DCC: variants seen among roughly 807,000 people sequenced by gnomAD.
The protein encoded by DCC is DCC netrin 1 receptor.
In DCC, 58 loss-of-function variants were observed where a neutral mutation model predicts 172.5. The observed-to-expected ratio is 0.34, with a 90% CI of 0.27 to 0.42. DCC has a LOEUF of 0.42. Among genes scored for constraint, DCC ranks in the 10% least tolerant of loss-of-function variants. The pLI, the probability that DCC is intolerant of heterozygous loss-of-function variation, is 1.00. For missense variants in DCC, 1,740 were observed against 1,791.0 expected, an observed-to-expected ratio of 0.97 and a Z score of 0.51; for synonymous variants, 709 against 644.5, an observed-to-expected ratio of 1.10 and a Z score of -1.52.
chr18:53,201,679 A>T (rs913575762), intron 9 of DCC, among the ~76,000 whole-genome samples: 3 of 152,156 alleles, frequency 2.0e-5, no homozygotes, highest in South Asian at 4.1e-4. Context: ...TTTTTTTCCC[A>T]TTAAGGAAAT....
intron 15 of DCC, among the ~76,000 whole-genome samples, chr18:53,384,108 C>T (rs1311495954): frequency 8.4e-6 from 1 of 119,692 alleles, no homozygotes; most frequent in Admixed American, 7.7e-5. Context: ...ATCAGTATCT[C>T]TTCTGGTCAT....
chr18:53,228,997 T>G lies in DCC; in HGVS notation c.1911+13400T>G, dbSNP rs1479898368. ...ATGTCCAGCATTATGACTTGTATTT[T>G]CTCTGAGTATAATATACATTTCCTA... is the stretch of plus-strand genomic sequence containing the variant. On this transcript the variant is annotated intron_variant, in intron 12 of 28. Coordinates refer to ENST00000442544, the MANE Select transcript of DCC (RefSeq NM_005215.4). 5.3e-5 allele frequency among the ~76,000 whole-genome samples: 8 copies of G among 152,282 alleles called. No homozygotes were observed. In the East Asian group the frequency reaches 1.5e-3, roughly 29 times the overall value.
At chr18:52,998,185 G>A (rs1431001468) in intron 5 of DCC, among the ~76,000 whole-genome samples, 1 of 151,982 alleles carries the variant, frequency 6.6e-6, no homozygotes, top group Non-Finnish European at 1.5e-5. Context: ...CTATCATAAT[G>A]GGCAGTGCGG....
At chr18:53,341,533 C>A (rs1295668878) in intron 15 of DCC, among the ~76,000 whole-genome samples, 2 of 152,158 alleles carry the variant, frequency 1.3e-5, no homozygotes, top group Non-Finnish European at 2.9e-5. Context: ...TATGAGTTTG[C>A]ACTCTACAAC....
intron 6 of DCC, among the ~76,000 whole-genome samples, chr18:53,064,667 A>G (rs2042542122): frequency 6.6e-6 from 1 of 152,174 alleles, no homozygotes; most frequent in African/African-American, 2.4e-5. Context: ...CACTTTTATT[A>G]CCACTTATTA....
intron 22 of DCC, among the ~76,000 whole-genome samples, chr18:53,445,338 G>A (rs573690310): frequency 6.6e-6 from 1 of 152,244 alleles, no homozygotes; most frequent in Non-Finnish European, 1.5e-5. Context: ...AATTGTAGGA[G>A]TGAAGTTAAA....
intron 7 of DCC, among the ~76,000 whole-genome samples, chr18:53,067,113 G>T (rs1428073292): frequency 6.6e-6 from 1 of 152,154 alleles, no homozygotes; most frequent in Admixed American, 6.6e-5. Flanking sequence ...TGGGGACACA[G>T]ATTCAGACCA....
intron 1 of DCC, among the ~76,000 whole-genome samples, chr18:52,684,911 A>G (rs187483896): frequency 2.3e-4 from 35 of 152,280 alleles, no homozygotes; most frequent in Non-Finnish European, 3.4e-4. Flanking sequence ...TAATATTTAT[A>G]GCTAATCTTA....
chr18:53,299,151 TG>T (rs1443415024), intron 12 of DCC, among the ~76,000 whole-genome samples: 1 of 152,188 alleles, frequency 6.6e-6, no homozygotes, highest in Non-Finnish European at 1.5e-5. Flanking sequence ...GTATGAATGG[TG>T]GGGAAGAAGG....
At chr18:52,978,474 G>C (rs967885628) in intron 5 of DCC, among the ~76,000 whole-genome samples, 14 of 152,264 alleles carry the variant, frequency 9.2e-5, no homozygotes, top group African/African-American at 3.1e-4. Context: ...CATGTATTGA[G>C]TACCGAACAA....
intron 3 of DCC, among the ~76,000 whole-genome samples, chr18:52,913,919 A>G (rs189205363): frequency 6.6e-6 from 1 of 152,106 alleles, no homozygotes; most frequent in Non-Finnish European, 1.5e-5. Flanking sequence ...CTCATTTGCC[A>G]TCTATTTATT....
intron 2 of DCC, among the ~76,000 whole-genome samples, chr18:52,846,968 C>T (rs2038904117): frequency 1.3e-5 from 2 of 152,034 alleles, no homozygotes; most frequent in African/African-American, 4.8e-5. Flanking sequence ...AAGAAGTCAG[C>T]CTGCCTGACT....
chr18:53,154,486 A>G (rs1714916825), intron 7 of DCC, among the ~76,000 whole-genome samples: 1 of 152,184 alleles, frequency 6.6e-6, no homozygotes, highest in Non-Finnish European at 1.5e-5. Context: ...TAAGTAGTAG[A>G]GTGACACGAC....
intron 1 of DCC, among the ~76,000 whole-genome samples, chr18:52,423,645 A>G (rs987322455): frequency 1.2e-4 from 18 of 152,132 alleles, no homozygotes; most frequent in African/African-American, 3.9e-4. Context: ...CTGTTTACAC[A>G]TATGTGCTGA....
At chr18:53,224,638 A>G (rs1315694042) in intron 12 of DCC, among the ~76,000 whole-genome samples, 2 of 152,138 alleles carry the variant, frequency 1.3e-5, no homozygotes, top group Admixed American at 1.3e-4. Context: ...AGAGGGAAGT[A>G]GAAACAATCA....
chr18:53,066,823 A>G (rs889031886), intron 7 of DCC, among the ~76,000 whole-genome samples: 1 of 152,112 alleles, frequency 6.6e-6, no homozygotes, highest in Admixed American at 6.6e-5. Flanking sequence ...CTGTATAGGA[A>G]GCATGATGCT....
chr18:52,724,832 A>ATGGT, intron 1 of DCC, among the ~76,000 whole-genome samples: 1 of 152,244 alleles, frequency 6.6e-6, no homozygotes, highest in Middle Eastern at 3.4e-3. Flanking sequence ...CCCATTCTAC[A>ATGGT]CAATTCCTTC....
chr18:52,917,149 A>C (rs2040054469), intron 3 of DCC, among the ~76,000 whole-genome samples: 2 of 149,956 alleles, frequency 1.3e-5, no homozygotes, highest in African/African-American at 2.5e-5. Flanking sequence ...AAAAAAAAAA[A>C]ACAAGAAAAA....
intron 5 of DCC, among the ~76,000 whole-genome samples, chr18:53,017,084 T>TC (rs1461073225): frequency 6.7e-6 from 1 of 149,960 alleles, no homozygotes; most frequent in Admixed American, 6.6e-5. Flanking sequence ...TCTTTTCTTT[T>TC]TTTTTTTTTT....
Sources: gnomAD v4.1 joint callset for allele counts (sites outside exome capture counted in the v4.1 genomes callset) on GRCh38, gnomAD v4.1.1 for gene constraint, MANE v1.5 for transcripts, NCBI Gene and HGNC (gene_info 2026-07-23, HGNC 2026-07-21) for gene names.